TMPRSS4: variants seen among roughly 807,000 people sequenced by gnomAD.
TMPRSS4 encodes the protein transmembrane protease serine 4.
In TMPRSS4, 45 loss-of-function variants were observed where a neutral mutation model predicts 56.4. That is an observed-to-expected ratio of 0.80 (90% CI 0.63 to 1.02). The LOEUF (loss-of-function observed/expected upper bound fraction) is 1.02, where lower values mean the gene tolerates loss of function less well. Among genes scored for constraint, TMPRSS4 ranks in the 50% least tolerant of loss-of-function variants. The pLI, the probability that TMPRSS4 is intolerant of heterozygous loss-of-function variation, is 0.00. For missense variants in TMPRSS4, 546 were observed against 556.7 expected (o/e 0.98, Z 0.19); for synonymous variants, 205 against 211.0 (o/e 0.97, Z 0.25).
intron 1 of TMPRSS4, among the ~76,000 whole-genome samples, chr11:118,077,562 C>T (rs913651070): frequency 2.6e-5 from 4 of 152,212 alleles, no homozygotes; most frequent in Admixed American, 2.6e-4. Context: ...GGCTGTCCTT[C>T]CCGACTATTC....
intron 1 of TMPRSS4, among the ~76,000 whole-genome samples, chr11:118,084,106 T>A (rs1017004399): frequency 1.3e-5 from 2 of 152,188 alleles, no homozygotes; most frequent in Non-Finnish European, 2.9e-5. Flanking sequence ...ATGCTATGCA[T>A]ATCTGGGGCT....
In TMPRSS4 at chr11:118,107,808, G is replaced by A; in HGVS notation, c.475G>A (p.Asp159Asn). 6.2e-7 allele frequency: 1 copy of A among 1,614,166 alleles called. No individual in the cohort carries two copies. Among genetic ancestry groups the A allele is most frequent in the Non-Finnish European group, 8.5e-7 (1 of 1,180,034 alleles). ...PTFRAVEIGP[D>N]QDLDVVEITE... ...TTTCAGAGCTGTGGAGATTGGCCCA[G>A]ACCAGGATCTGGATGTTGTTGAAAT... Residue 159 changes from aspartate to asparagine, a missense_variant, in exon 6 of 13, where the codon GAC (aspartate) becomes AAC (asparagine). Transcript: ENST00000437212.
At chr11:118,103,786 G>T (rs192961689) in intron 4 of TMPRSS4, among the ~76,000 whole-genome samples, 2 of 152,350 alleles carry the variant, frequency 1.3e-5, no homozygotes, top group African/African-American at 4.8e-5. Flanking sequence ...GAGCCAGAAA[G>T]GACAGGAAAT....
intron 11 of TMPRSS4, among the ~76,000 whole-genome samples, chr11:118,116,731 T>G (rs76714024): frequency 2.6e-4 from 39 of 150,574 alleles, no homozygotes; most frequent in African/African-American, 8.9e-4. Flanking sequence ...TTTTTTTTTT[T>G]GAGACTGAGT....
rs144341799 is a variant in TMPRSS4 at position 118,111,823 on chromosome 11, C to A, written c.666C>A (p.Ile222=). ...ATTCTTGGCCTTGGCAGGTCAGCAT[C>A]CAGTACGACAAACAGCACGTCTGTG... The part of the protein sequence containing the change: ...SVDSWPWQVS[I]QYDKQHVCGG... The change falls in exon 8 of 13, where the codon ATC becomes ATA. Residue 222 remains isoleucine, a synonymous_variant. Transcript: ENST00000437212. 6.7e-4 allele frequency: 1,073 copies of A among 1,606,914 alleles called. 13 individuals are homozygous for A. In the East Asian group the frequency reaches 0.021, roughly 32 times the overall value.
At position 118,118,213 on chromosome 11, in the gene TMPRSS4, C is replaced by T; in HGVS notation, c.*300C>T. On this transcript the variant is annotated 3_prime_UTR_variant, in exon 13 of 13. Transcript: ENST00000437212. ...ATTGCTAAGCCAAGAAGGAACTTTC[C>T]CACACTACTGAATGGAAGCAGGCTG... 1 of 1,330,626 alleles carries T rather than the reference C, an allele frequency of 7.5e-7. No individual in the cohort carries two copies. Among genetic ancestry groups the T allele is most frequent in the Non-Finnish European group, 9.6e-7 (1 of 1,041,050 alleles). 82.4% of individuals were successfully genotyped at this position (1,330,626 alleles called of 1,614,324 possible). A position where few individuals can be genotyped will look rare whatever the true frequency, so the allele number is the denominator to read the frequency against.
Position 118,115,189 on chromosome 11 carries a change from C to T in TMPRSS4, c.1061C>T (p.Thr354Ile). ...LQASVQVIDSTRCNADDAYQG... is the reference protein window; with the variant it reads ...LQASVQVIDSIRCNADDAYQG... Reference sequence around the variant, plus strand: ...GCGTCAGTCCAGGTCATTGACAGCACACGGTGCAATGCAGACGATGCGTAC... The same window carrying T: ...GCGTCAGTCCAGGTCATTGACAGCATACGGTGCAATGCAGACGATGCGTAC... The change falls in exon 11 of 13, where the codon ACA (threonine) becomes ATA (isoleucine). Residue 354 changes from threonine (T) to isoleucine (I), a missense_variant. Physicochemically the swap from Thr to Ile is moderately conservative, Grantham distance 89. Transcript: ENST00000437212. 1 of 1,612,824 alleles carries T rather than the reference C, an allele frequency of 6.2e-7. No homozygotes were observed. Among genetic ancestry groups the T allele is most frequent in the Non-Finnish European group, 8.5e-7 (1 of 1,179,774 alleles).
intron 1 of TMPRSS4, among the ~76,000 whole-genome samples, chr11:118,083,317 C>T (rs1486337949): frequency 6.6e-6 from 1 of 152,226 alleles, no homozygotes; most frequent in East Asian, 1.9e-4. Flanking sequence ...TCCACTGGTC[C>T]TTGCTTCTCT....
At chr11:118,107,714 C>T in intron 5 of TMPRSS4, 60 bp from the exon 6 acceptor site, 1 of 1,458,012 alleles carries the variant, frequency 6.9e-7, no homozygotes, top group Non-Finnish European at 9.5e-7. Context: ...GCCAACTCTA[C>T]CATCTTGTTC....
intron 2 of TMPRSS4, among the ~76,000 whole-genome samples, chr11:118,096,843 GAA>G (rs1247818044): frequency 0.12 from 2,407 of 20,158 alleles, 703 homozygotes; most frequent in South Asian, 0.21. Flanking sequence ...AAGAAGGAAA[GAA>G]GGAAAGAAAG....
intron 3 of TMPRSS4, among the ~76,000 whole-genome samples, chr11:118,100,400 GC>G (rs1421196560): frequency 6.6e-6 from 1 of 152,200 alleles, no homozygotes; most frequent in Non-Finnish European, 1.5e-5. Flanking sequence ...GCAGCCAACT[GC>G]CTGGTTAGAG....
intron 1 of TMPRSS4, among the ~76,000 whole-genome samples, chr11:118,085,278 C>T (rs1945460581): frequency 6.7e-6 from 1 of 148,436 alleles, no homozygotes; most frequent in Non-Finnish European, 1.5e-5. Context: ...GGCTGGAGTA[C>T]AGTGGCAGGA....
intron 11 of TMPRSS4, 93 bp downstream of exon 11, chr11:118,115,373 C>G (rs1055116977): frequency 5.2e-5 from 76 of 1,464,412 alleles, no homozygotes; most frequent in Non-Finnish European, 6.4e-5. Context: ...CTACAGGAAG[C>G]CTTGCATATC....
intron 8 of TMPRSS4, among the ~76,000 whole-genome samples, chr11:118,112,494 G>A (rs1417530540): frequency 7.2e-6 from 1 of 139,368 alleles, no homozygotes; most frequent in Non-Finnish European, 1.5e-5. Context: ...CTGAGTTCAA[G>A]CAATTCTCCT....
intron 11 of TMPRSS4, among the ~76,000 whole-genome samples, chr11:118,116,410 G>A (rs1947551047): frequency 6.6e-6 from 1 of 152,206 alleles, no homozygotes; most frequent in South Asian, 2.1e-4. Context: ...TGGGGGAAAG[G>A]GGGGCATTAA....
downstream of TMPRSS4, among the ~76,000 whole-genome samples, chr11:118,123,615 T>C (rs747893767): frequency 6.6e-6 from 1 of 152,132 alleles, no homozygotes; most frequent in Non-Finnish European, 1.5e-5. Context: ...CTCCGTCTCC[T>C]GGGTTCATGC....
chr11:118,123,283 G>A (rs866553610), downstream of TMPRSS4, among the ~76,000 whole-genome samples: 1 of 152,134 alleles, frequency 6.6e-6, no homozygotes, highest in African/African-American at 2.4e-5. Context: ...TCCTCCCAAC[G>A]TGAATATGAA....
intron 1 of TMPRSS4, among the ~76,000 whole-genome samples, chr11:118,085,599 G>A (rs1322454755): frequency 6.6e-6 from 1 of 152,118 alleles, no homozygotes; most frequent in Non-Finnish European, 1.5e-5. Flanking sequence ...TTAAATTAAC[G>A]TCAGACTGCT....
intron 1 of TMPRSS4, among the ~76,000 whole-genome samples, 165 bp from the exon 2 acceptor site, chr11:118,094,651 C>A (rs1389317792): frequency 2.0e-5 from 3 of 152,206 alleles, no homozygotes; most frequent in Non-Finnish European, 2.9e-5. Flanking sequence ...CAAACAGGTG[C>A]ATGACTGAAT....
Sources: gnomAD v4.1 joint callset for allele counts (sites outside exome capture counted in the v4.1 genomes callset) on GRCh38, gnomAD v4.1.1 for gene constraint, MANE v1.5 for transcripts, NCBI Gene and HGNC (gene_info 2026-07-23, HGNC 2026-07-21) for gene names.